The following SLCO5A1 variants were observed in gnomAD, a reference collection of about 807,000 sequenced individuals.
The protein encoded by SLCO5A1 is solute carrier organic anion transporter family member 5A1.
Under a neutral mutation model 65.1 loss-of-function variants are expected in SLCO5A1, and 39 were observed. That is an observed-to-expected ratio of 0.60 (90% CI 0.46 to 0.78). SLCO5A1 has a LOEUF of 0.78. Among genes scored for constraint, SLCO5A1 ranks in the 30% least tolerant of loss-of-function variants. The pLI is 0.00. For synonymous variants in SLCO5A1, 438 were observed against 415.7 expected, an observed-to-expected ratio of 1.05 and a Z score of -0.65; for missense variants, 1,029 against 1,069.4, an observed-to-expected ratio of 0.96 and a Z score of 0.53.
chr8:69,682,553 A>G (rs1315428806), intron 6 of SLCO5A1, among the ~76,000 whole-genome samples: 1 of 152,182 alleles, frequency 6.6e-6, no homozygotes, highest in Non-Finnish European at 1.5e-5. Context: ...GGTATTACAG[A>G]TTCAATGCTT....
chr8:69,774,823 G>A (rs1818493271), intron 2 of SLCO5A1, among the ~76,000 whole-genome samples: 1 of 152,188 alleles, frequency 6.6e-6, no homozygotes, highest in Non-Finnish European at 1.5e-5. Flanking sequence ...CAGAGGACAT[G>A]AAGAACAATC....
At chr8:69,758,633 A>C (rs188737879) in intron 3 of SLCO5A1, among the ~76,000 whole-genome samples, 7 of 152,328 alleles carry the variant, frequency 4.6e-5, no homozygotes, top group African/African-American at 1.7e-4. Flanking sequence ...AAACAAAAAA[A>C]TACAAAAATA....
At chr8:69,756,012 G>A (rs1817527506) in intron 3 of SLCO5A1, among the ~76,000 whole-genome samples, 2 of 151,934 alleles carry the variant, frequency 1.3e-5, no homozygotes, top group African/African-American at 2.4e-5. Context: ...GTAGACAATA[G>A]CATGTTATGT....
intron 2 of SLCO5A1, among the ~76,000 whole-genome samples, chr8:69,822,245 T>C (rs1820675974): frequency 1.3e-5 from 2 of 152,238 alleles, no homozygotes; most frequent in South Asian, 4.1e-4. Context: ...TGAGGACAAA[T>C]GTAGACCCAC....
chr8:69,706,398 T>C lies in SLCO5A1; in HGVS notation c.1424-1169A>G, dbSNP rs1018935213. On this transcript the variant is annotated intron_variant, in intron 5 of 9. Transcript: ENST00000260126. The stretch of plus-strand genomic sequence containing the variant: ...ATACTTCATGCCATGACCTGGGTAA[T>C]AGTTACTGCTGTGGTCTGAATGTTT... Among the ~76,000 whole-genome samples, 4 of 152,300 alleles carry C rather than the reference T, an allele frequency of 2.6e-5. No individual in the cohort carries two copies. The South Asian group carries it at 8.3e-4, about 32-fold the overall frequency.
In SLCO5A1 at chr8:69,772,655, A is replaced by G. The variant is rs201256012; in HGVS notation, c.908-10780T>C. ...AAAGGAAAGGAAAGGAAAGGAAAGGAAAAGAAATGATTCTGGAGCTCCTAA... is the reference window on the plus strand; with the variant it reads ...AAAGGAAAGGAAAGGAAAGGAAAGGGAAAGAAATGATTCTGGAGCTCCTAA... On this transcript the variant is annotated intron_variant, in intron 2 of 9. Transcript: ENST00000260126. Among the ~76,000 whole-genome samples the G allele has an allele frequency of 4.0e-5, 6 of 150,984 alleles. No homozygotes were observed. The East Asian group carries it at 7.9e-4, about 20-fold the overall frequency.
At chr8:69,730,313 T>C (rs565528905) in intron 5 of SLCO5A1, among the ~76,000 whole-genome samples, 7 of 152,302 alleles carry the variant, frequency 4.6e-5, no homozygotes, top group African/African-American at 1.7e-4. Flanking sequence ...GAGTGATGAA[T>C]TGGTTAGTAA....
At chr8:69,820,961 C>CTT (rs1473369249) in intron 2 of SLCO5A1, among the ~76,000 whole-genome samples, 1 of 152,130 alleles carries the variant, frequency 6.6e-6, no homozygotes, top group African/African-American at 2.4e-5. Flanking sequence ...AGTCCCATGA[C>CTT]CAGTTGTTGG....
intron 2 of SLCO5A1, among the ~76,000 whole-genome samples, chr8:69,811,542 A>G (rs1304257569): frequency 6.6e-6 from 1 of 152,122 alleles, no homozygotes; most frequent in Non-Finnish European, 1.5e-5. Context: ...CACATTTCTT[A>G]TGCCTCTTGG....
intron 8 of SLCO5A1, among the ~76,000 whole-genome samples, 186 bp downstream of exon 8, chr8:69,679,191 AC>A (rs1406104854): frequency 6.6e-6 from 1 of 152,198 alleles, no homozygotes; most frequent in Non-Finnish European, 1.5e-5. Flanking sequence ...AAATGTTACA[AC>A]CTTTCTTTCC....
chr8:69,741,069 G>T (rs1816770896), intron 4 of SLCO5A1, among the ~76,000 whole-genome samples: 1 of 152,148 alleles, frequency 6.6e-6, no homozygotes, highest in Non-Finnish European at 1.5e-5. Flanking sequence ...CTGCTTTCTT[G>T]TTTCTGCTGT....
chr8:69,718,093 A>G (rs1317477481), intron 5 of SLCO5A1, among the ~76,000 whole-genome samples: 1 of 152,206 alleles, frequency 6.6e-6, no homozygotes, highest in Non-Finnish European at 1.5e-5. Context: ...TTTTCAGAAT[A>G]TAAGTTTTAC....
chr8:69,759,178 A>G (rs1817651970), intron 3 of SLCO5A1, among the ~76,000 whole-genome samples: 1 of 152,198 alleles, frequency 6.6e-6, no homozygotes, highest in Non-Finnish European at 1.5e-5. Flanking sequence ...GCCCATTGAA[A>G]ACTTATCACT....
chr8:69,694,322 T>C (rs1216605840), intron 6 of SLCO5A1, among the ~76,000 whole-genome samples: 3 of 152,122 alleles, frequency 2.0e-5, no homozygotes, highest in Non-Finnish European at 4.4e-5. Flanking sequence ...ACATAGATAA[T>C]AATATAAACA....
intron 2 of SLCO5A1, among the ~76,000 whole-genome samples, chr8:69,827,620 T>C (rs1485993958): frequency 2.0e-5 from 3 of 152,118 alleles, no homozygotes; most frequent in Admixed American, 2.0e-4. Flanking sequence ...TTCTTTCCTC[T>C]GAGGTTATAA....
intron 2 of SLCO5A1, among the ~76,000 whole-genome samples, chr8:69,772,759 G>C (rs1408766789): frequency 6.6e-6 from 1 of 152,092 alleles, no homozygotes; most frequent in Non-Finnish European, 1.5e-5. Flanking sequence ...ATCATGTAGG[G>C]CTGCATAGTC....
intron 4 of SLCO5A1, among the ~76,000 whole-genome samples, chr8:69,748,269 T>C (rs1817128984): frequency 1.3e-5 from 2 of 152,234 alleles, no homozygotes; most frequent in Non-Finnish European, 2.9e-5. Flanking sequence ...GCCACAGTAC[T>C]ACCTTGCTTG....
At chr8:69,807,737 G>C (rs1473428248) in intron 2 of SLCO5A1, among the ~76,000 whole-genome samples, 2 of 152,134 alleles carry the variant, frequency 1.3e-5, no homozygotes. Context: ...ACGAAGTCTC[G>C]GTCTGTCGCC....
chr8:69,750,055 T>A (rs1817222846), intron 4 of SLCO5A1, among the ~76,000 whole-genome samples: 1 of 152,036 alleles, frequency 6.6e-6, no homozygotes. Flanking sequence ...ATGAGCCCAG[T>A]GGGGCTGAAG....
Sources: allele counts gnomAD v4.1 joint callset (sites outside exome capture counted in the v4.1 genomes callset), GRCh38; gene constraint gnomAD v4.1.1; transcripts MANE v1.5; gene names NCBI Gene and HGNC (gene_info 2026-07-23, HGNC 2026-07-21).